Variants in CCSER1 observed in about 807,000 individuals in gnomAD.
The protein encoded by CCSER1 is coiled-coil serine rich protein 1.
Under a neutral mutation model 82.0 loss-of-function variants are expected in CCSER1, and 41 were observed. That is an observed-to-expected ratio of 0.50 (90% CI 0.39 to 0.65). The LOEUF (loss-of-function observed/expected upper bound fraction) is 0.65, where lower values mean the gene tolerates loss of function less well. Among genes scored for constraint, CCSER1 ranks in the 30% least tolerant of loss-of-function variants. The pLI, the probability that CCSER1 is intolerant of heterozygous loss-of-function variation, is 0.00. For missense variants in CCSER1, 1,119 were observed against 1,064.2 expected (o/e 1.05, Z -0.72); for synonymous variants, 414 against 383.9 (o/e 1.08, Z -0.92).
intron 5 of CCSER1, among the ~76,000 whole-genome samples, chr4:90,565,476 C>T (rs1779254581): frequency 6.6e-6 from 1 of 152,112 alleles, no homozygotes. Flanking sequence ...AACTTAACTT[C>T]TTTCTTTCCA....
intron 1 of CCSER1, among the ~76,000 whole-genome samples, chr4:90,273,057 T>TAGCA (rs950603438): frequency 5.9e-5 from 9 of 152,062 alleles, no homozygotes; most frequent in Non-Finnish European, 1.2e-4. Context: ...CTGTCGTGTG[T>TAGCA]AGCAACATGG....
At chr4:91,380,944 G>A (rs1750841499) in intron 10 of CCSER1, among the ~76,000 whole-genome samples, 2 of 152,068 alleles carry the variant, frequency 1.3e-5, no homozygotes, top group Admixed American at 6.6e-5. Flanking sequence ...CAGGCCTAGT[G>A]GTGACAAAAT....
intron 5 of CCSER1, among the ~76,000 whole-genome samples, chr4:90,619,414 T>A (rs1721896961): frequency 6.6e-6 from 1 of 151,984 alleles, no homozygotes; most frequent in Non-Finnish European, 1.5e-5. Flanking sequence ...ATATGATGAA[T>A]TGCATGAAGG....
At chr4:91,164,693 C>T (rs1235765196) in intron 10 of CCSER1, among the ~76,000 whole-genome samples, 4 of 152,186 alleles carry the variant, frequency 2.6e-5, no homozygotes, top group African/African-American at 9.7e-5. Flanking sequence ...TCTTCCATCA[C>T]TGATACCCTT....
At chr4:91,444,800 G>A (rs914516058) in intron 10 of CCSER1, among the ~76,000 whole-genome samples, 2 of 152,172 alleles carry the variant, frequency 1.3e-5, no homozygotes, top group African/African-American at 4.8e-5. Flanking sequence ...TCAGATGATG[G>A]TGAAAACGTT....
rs557348098 is a variant in CCSER1, at chr4:90,379,165, T to C, written c.1510-20871T>C. On this transcript the variant is annotated intron_variant, in intron 3 of 10. Transcript: ENST00000509176. The stretch of plus-strand genomic sequence containing the variant: ...ATTTCTTGCTCACACAAAGTTTCAG[T>C]TGGGTCCGGCAGCTCTTCAGGACTG... Among the ~76,000 whole-genome samples the C allele has an allele frequency of 5.9e-5, 9 of 152,278 alleles. No individual in the cohort carries two copies. The East Asian group carries it at 1.5e-3, about 26-fold the overall frequency.
At chr4:90,453,965 T>TGG (rs1470468046) in intron 4 of CCSER1, among the ~76,000 whole-genome samples, 1 of 152,122 alleles carries the variant, frequency 6.6e-6, no homozygotes, top group African/African-American at 2.4e-5. Flanking sequence ...AGAGGAGCCC[T>TGG]GGGATGTGTG....
chr4:91,123,266 A>G (rs1053740073), intron 10 of CCSER1, among the ~76,000 whole-genome samples: 6 of 151,756 alleles, frequency 4.0e-5, no homozygotes, highest in Non-Finnish European at 7.4e-5. Flanking sequence ...CAGATTCATT[A>G]TAGCACTGTA....
At position 90,127,568 on chromosome 4, in the gene CCSER1, CCTCTCT is replaced by C. The variant is rs142199213; in HGVS notation, c.-294_-289del. ...GCCGACCTACTGCCAATCCGCCTCT[CCTCTCT>C]CTCTCTCTCTGTCTCAACATGACTG... is the stretch of plus-strand genomic sequence containing the variant. On this transcript the variant is annotated 5_prime_UTR_variant, in exon 1 of 11. Coordinates refer to ENST00000509176, the MANE Select transcript of CCSER1 (RefSeq NM_001145065.2). 5.8e-3 allele frequency: 872 copies of C among 151,188 alleles called. 7 individuals carry two copies. The highest frequency in any genetic ancestry group is 0.036 in the Middle Eastern group (11 of 308). 9.4% of individuals were successfully genotyped at this position (151,188 alleles called of 1,614,324 possible).
chr4:91,597,587 G>A (rs1020176941), intron 10 of CCSER1, among the ~76,000 whole-genome samples: 3 of 151,962 alleles, frequency 2.0e-5, no homozygotes, highest in African/African-American at 4.8e-5. Context: ...ATTTTGTTTG[G>A]TTTGATATTA....
chr4:91,266,135 A>T (rs2149173400), intron 10 of CCSER1, among the ~76,000 whole-genome samples: 1 of 152,306 alleles, frequency 6.6e-6, no homozygotes, highest in East Asian at 1.9e-4. Flanking sequence ...GGAAACTACA[A>T]TGCAAGATGA....
At chr4:91,498,442 C>G (rs1187014166) in intron 10 of CCSER1, among the ~76,000 whole-genome samples, 1 of 132,814 alleles carries the variant, frequency 7.5e-6, no homozygotes, top group Non-Finnish European at 1.7e-5. Flanking sequence ...TATCCATCGT[C>G]TTTGTTCTAT....
intron 6 of CCSER1, among the ~76,000 whole-genome samples, chr4:90,665,373 G>C (rs997944451): frequency 9.9e-5 from 15 of 150,980 alleles, no homozygotes; most frequent in Non-Finnish European, 1.6e-4. Context: ...CCAGGCTGGA[G>C]TGCAGTGGCG....
intron 6 of CCSER1, among the ~76,000 whole-genome samples, chr4:90,669,119 G>A (rs1329702133): frequency 6.6e-6 from 1 of 151,898 alleles, no homozygotes; most frequent in Non-Finnish European, 1.5e-5. Flanking sequence ...ATAATATAGT[G>A]AACTCCAATA....
At chr4:90,751,197 AC>A (rs1365205555) in intron 7 of CCSER1, among the ~76,000 whole-genome samples, 1 of 152,152 alleles carries the variant, frequency 6.6e-6, no homozygotes, top group Non-Finnish European at 1.5e-5. Context: ...TGGTTTAATA[AC>A]ATTGCTCCAC....
At chr4:91,352,277 G>T (rs949246242) in intron 10 of CCSER1, among the ~76,000 whole-genome samples, 5 of 152,052 alleles carry the variant, frequency 3.3e-5, no homozygotes, top group African/African-American at 7.2e-5. Context: ...TTGAAACAGG[G>T]TCTCACTCTG....
rs548827784 is a variant in CCSER1, at chr4:90,346,708, G to A, written c.1509+33661G>A. Among the ~76,000 whole-genome samples, 5 of 152,110 alleles carry A rather than the reference G, an allele frequency of 3.3e-5. No individual in the cohort carries two copies. In the East Asian group the frequency reaches 7.7e-4, roughly 23 times the overall value. Reference sequence around the variant, plus strand: ...GTTTGTGGCATGCCACATAAATAATGTATTACAATACTTGTATGTACATAA... The same window carrying A: ...GTTTGTGGCATGCCACATAAATAATATATTACAATACTTGTATGTACATAA... On this transcript the variant is annotated intron_variant, in intron 3 of 10. Transcript: ENST00000509176.
intron 5 of CCSER1, among the ~76,000 whole-genome samples, chr4:90,543,653 A>C (rs1776381968): frequency 1.3e-5 from 2 of 152,156 alleles, no homozygotes; most frequent in Admixed American, 6.6e-5. Flanking sequence ...GAGTTTGCTT[A>C]TCAGGCATAG....
chr4:90,397,838 A>G (rs13435417), intron 3 of CCSER1, among the ~76,000 whole-genome samples: 435 of 152,308 alleles, frequency 2.9e-3, no homozygotes, highest in African/African-American at 0.01. Context: ...GAAGTTTACA[A>G]TGTCTAAGAT....
Sources: gnomAD v4.1 joint callset for allele counts (sites outside exome capture counted in the v4.1 genomes callset) on GRCh38, gnomAD v4.1.1 for gene constraint, MANE v1.5 for transcripts, NCBI Gene and HGNC (gene_info 2026-07-23, HGNC 2026-07-21) for gene names.